The following ALG13 variants were observed in gnomAD, a reference collection of about 807,000 sequenced individuals.
ALG13 encodes the protein UDP-N-acetylglucosamine transferase subunit ALG13.
ALG13 carries 11 observed loss-of-function variants against 87.8 expected under a neutral mutation model. That is an observed-to-expected ratio of 0.13 (90% CI 0.08 to 0.21). The LOEUF is 0.21. Among genes scored for constraint, ALG13 ranks in the 10% least tolerant of loss-of-function variants. The pLI, the probability that ALG13 is intolerant of heterozygous loss-of-function variation, is 1.00. For synonymous variants in ALG13, 320 were observed against 306.3 expected, an observed-to-expected ratio of 1.04 and a Z score of -0.47; for missense variants, 756 against 866.1, an observed-to-expected ratio of 0.87 and a Z score of 1.60.
chrX:111,682,067 G>A, intron 1 of ALG13, 65 bp from the exon 2 acceptor site: 1 of 1,025,943 alleles, frequency 9.7e-7, no homozygotes, highest in Non-Finnish European at 1.3e-6. Flanking sequence ...AGTAGTGGTG[G>A]TGGTTCCTGC....
In ALG13 at chrX:111,726,989, T is replaced by C. The variant is rs774331771; in HGVS notation, c.1910T>C (p.Met637Thr). The C allele has an allele frequency of 9.1e-6, 11 of 1,209,483 alleles. No homozygotes were observed. The highest frequency in any genetic ancestry group is 3.5e-5 in the South Asian group (2 of 56,775). The change falls in exon 16 of 27, where the codon ATG becomes ACG. Residue 637 changes from methionine (M) to threonine (T), a missense_variant. Coordinates refer to ENST00000394780, the MANE Select transcript of ALG13 (RefSeq NM_001099922.3). ...TACTCACAGACAGCTGGCAATGTTA[T>C]GTCTAATGAACATTTTCATCCTCAG... The part of the protein sequence containing the change: ...MHYSQTAGNV[M>T]SNEHFHPQHP...
chrX:111,725,210 C>A, intron 15 of ALG13, 149 bp downstream of exon 15: 1 of 697,663 alleles, frequency 1.4e-6, no homozygotes, highest in Non-Finnish European at 2.1e-6. Context: ...GGAATGGATA[C>A]TACTTCACTG....
intron 5 of ALG13, among the ~76,000 whole-genome samples, chrX:111,709,685 CTT>C (rs900487376): frequency 1.0e-5 from 1 of 96,967 alleles, no homozygotes; most frequent in Non-Finnish European, 2.1e-5. Context: ...GCTTCCTTTT[CTT>C]TTTTTTTTTT....
At chrX:111,700,113 G>T (rs1320282256) in intron 3 of ALG13, among the ~76,000 whole-genome samples, 1 of 96,987 alleles carries the variant, frequency 1.0e-5, no homozygotes, top group Non-Finnish European at 2.0e-5. Flanking sequence ...TTACCTCATT[G>T]GTTACATTTA....
In ALG13 at chrX:111,744,794, C is replaced by G; in HGVS notation, c.2822C>G (p.Pro941Arg). 1 of 1,146,841 alleles carries G rather than the reference C, an allele frequency of 8.7e-7. No individual in the cohort carries two copies. 94.5% of individuals were successfully genotyped at this position (1,146,841 alleles called of 1,213,427 possible). Residue 941 changes from proline to arginine, a missense_variant, in exon 24 of 27, where the codon CCT becomes CGT. Transcript: ENST00000394780. ...CCTCCTCCTCCTCCTCCTCCTCCTC[C>G]TCCTCCTCCTCCTGCTCTTGATGTG... ...PPPPPPPPPP[P>R]PPPPALDVGE...
At chrX:111,718,753 C>T (rs1032939661) in intron 10 of ALG13, among the ~76,000 whole-genome samples, 3 of 112,015 alleles carry the variant, frequency 2.7e-5, no homozygotes, top group Non-Finnish European at 5.6e-5. Context: ...GTTGACACAT[C>T]CAGCCAGTAG....
chrX:111,744,799 CCTCCTCCTG>C lies in ALG13; in HGVS notation c.2831_2839del (p.Pro944_Ala946del), dbSNP rs1944088858. 4.4e-6 allele frequency: 5 copies of C among 1,139,454 alleles called. No homozygotes were observed. The highest frequency in any genetic ancestry group is 5.8e-6 in the Non-Finnish European group (5 of 855,380). 93.9% of individuals were successfully genotyped at this position (1,139,454 alleles called of 1,213,427 possible). ...TCCTCCTCCTCCTCCTCCTCCTCCT[CCTCCTCCTG>C]CTCTTGATGTGGGAGAGACTTCAAA... On this transcript the variant is annotated inframe_deletion, in exon 24 of 27. Coordinates refer to ENST00000394780, the MANE Select transcript of ALG13 (RefSeq NM_001099922.3).
chrX:111,741,297 T>C (rs1477398957), intron 23 of ALG13, among the ~76,000 whole-genome samples: 3 of 111,424 alleles, frequency 2.7e-5, no homozygotes, highest in Non-Finnish European at 5.6e-5. Flanking sequence ...TCAAGAAATA[T>C]CCAATTTTTT....
chrX:111,711,307 C>T (rs73637033), intron 5 of ALG13, among the ~76,000 whole-genome samples: 1,575 of 112,169 alleles, frequency 0.014, 20 homozygotes, highest in African/African-American at 0.049. Flanking sequence ...TAAAGTTCCT[C>T]AGTTTAATTT....
chrX:111,696,287 A>G (rs750275420), intron 3 of ALG13, among the ~76,000 whole-genome samples: 91 of 111,841 alleles, frequency 8.1e-4, no homozygotes, highest in Non-Finnish European at 1.4e-3. Flanking sequence ...TATTGATTAC[A>G]AATTTTACCA....
chrX:111,713,853 T>C (rs995531554), intron 8 of ALG13, among the ~76,000 whole-genome samples: 2 of 112,304 alleles, frequency 1.8e-5, no homozygotes, highest in African/African-American at 6.5e-5. Flanking sequence ...AAGTACTTGA[T>C]TGTTAGTTGA....
At chrX:111,697,285 CTG>C (rs1467122634) in intron 3 of ALG13, among the ~76,000 whole-genome samples, 1 of 111,616 alleles carries the variant, frequency 9.0e-6, no homozygotes, top group African/African-American at 3.3e-5. Context: ...CTAATGGGCA[CTG>C]TGAATCTCAA....
rs1471553259 is a variant in ALG13 at position 111,718,290 on chromosome X, G to A, written c.1250+16G>A. 1 of 1,156,708 alleles carries A rather than the reference G, an allele frequency of 8.6e-7. No homozygotes were observed. Among genetic ancestry groups the A allele is most frequent in the Admixed American group, 2.4e-5 (1 of 41,060 alleles). ...ATCAGAATAGGTAATAAAGGGAAAG[G>A]GGATATCATGATAATTATGTTTCAT... On this transcript the variant is annotated intron_variant, in intron 10 of 26. Coordinates refer to ENST00000394780, the MANE Select transcript of ALG13 (RefSeq NM_001099922.3).
chrX:111,681,642 T>A, intron 1 of ALG13: 1 of 910,610 alleles, frequency 1.1e-6, no homozygotes, highest in South Asian at 3.5e-5. Context: ...GCTCGGGTTT[T>A]CCACCGGGCT....
At chrX:111,722,617 T>A (rs377009823) in intron 12 of ALG13, among the ~76,000 whole-genome samples, 176 bp from the exon 13 acceptor site, 2 of 112,483 alleles carry the variant, frequency 1.8e-5, no homozygotes, top group East Asian at 2.8e-4. Flanking sequence ...CTTTTTAAAT[T>A]GACTGCAGAA....
chrX:111,758,952 A>G (rs1945506930), intron 26 of ALG13, among the ~76,000 whole-genome samples: 1 of 111,124 alleles, frequency 9.0e-6, no homozygotes, highest in Non-Finnish European at 1.9e-5. Context: ...ATGTATAAGT[A>G]TACTATTACC....
chrX:111,726,695 G>T, intron 15 of ALG13, 114 bp from the exon 16 acceptor site: 1 of 841,296 alleles, frequency 1.2e-6, no homozygotes, highest in Non-Finnish European at 1.7e-6. Context: ...ATGTTTATTT[G>T]GTTTGTTCCT....
At chrX:111,743,368 G>A (rs1038853119) in intron 23 of ALG13, among the ~76,000 whole-genome samples, 8 of 111,827 alleles carry the variant, frequency 7.2e-5, no homozygotes, top group African/African-American at 2.3e-4. Context: ...TAGAGATTTC[G>A]AAATATATGA....
Position 111,708,952 on chromosome X carries a change from CTCT to C in ALG13, c.751-8_751-6del, listed in dbSNP as rs765948340. 104 of 1,147,559 alleles carry C rather than the reference CTCT, an allele frequency of 9.1e-5. 2 individuals carry two copies. Among genetic ancestry groups the C allele is most frequent in the East Asian group, 5.4e-4 (17 of 31,714 alleles). The allele number at this position is 1,147,559 out of a possible 1,213,427, so 94.6% of individuals were successfully genotyped here. A position where few individuals can be genotyped will look rare whatever the true frequency, so the allele number is the denominator to read the frequency against. On this transcript the variant is annotated splice_polypyrimidine_tract_variant and intron_variant, in intron 4 of 26. Coordinates refer to ENST00000394780, the MANE Select transcript of ALG13 (RefSeq NM_001099922.3). The stretch of plus-strand genomic sequence containing the variant: ...GACTACTGACAGTGGGCTGGTCTTT[CTCT>C]TCTTTTTAGTTGTTTTGCAGCCAGG...
Sources: allele counts gnomAD v4.1 joint callset (sites outside exome capture counted in the v4.1 genomes callset), GRCh38; gene constraint gnomAD v4.1.1; transcripts MANE v1.5; gene names NCBI Gene and HGNC (gene_info 2026-07-23, HGNC 2026-07-21).